PDE4D: variants seen among roughly 807,000 people sequenced by gnomAD.
PDE4D encodes the protein 3',5'-cyclic-AMP phosphodiesterase 4D.
A neutral mutation model predicts 87.4 loss-of-function variants in PDE4D; 24 were observed. That is an observed-to-expected ratio of 0.27 (90% confidence interval 0.20 to 0.39). PDE4D has a LOEUF of 0.39. Among genes scored for constraint, PDE4D ranks in the 10% least tolerant of loss-of-function variants. The pLI is 1.00. For missense variants in PDE4D, 714 were observed against 1,041.0 expected, an observed-to-expected ratio of 0.69 and a Z score of 4.32; for synonymous variants, 384 against 383.2, an observed-to-expected ratio of 1.00 and a Z score of -0.02.
chr5:59,834,834 G>C (rs1447776037), intron 1 of PDE4D, among the ~76,000 whole-genome samples: 2 of 152,000 alleles, frequency 1.3e-5, no homozygotes, highest in African/African-American at 2.4e-5. Context: ...ATACTTGAAG[G>C]GTTCTCCTTT....
rs1056624441 is a variant in PDE4D at position 58,975,819 on chromosome 5, G to A, written c.1851C>T (p.His617=). Residue 617 remains histidine (H), a synonymous_variant, in exon 14 of 15, where the codon CAC becomes CAT. Transcript: ENST00000340635. This position sits in a 1 kb window ranked among gnomAD's most constrained non-coding sequence, Gnocchi z 4.2. ...TTGTTGGGTTGCTCAGATCTGCACAGTGCACCATATTCTGAAGAACCTAAA... is the reference window on the plus strand; with the variant it reads ...TTGTTGGGTTGCTCAGATCTGCACAATGCACCATATTCTGAAGAACCTAAA... ...DRIQVLQNMV[H]CADLSNPTKP... The A allele has an allele frequency of 1.9e-6, 3 of 1,558,562 alleles. No individual in the cohort carries two copies. Among genetic ancestry groups the A allele is most frequent in the Non-Finnish European group, 2.6e-6 (3 of 1,151,884 alleles).
intron 2 of PDE4D, among the ~76,000 whole-genome samples, chr5:60,040,404 G>C (rs1024126627): frequency 1.3e-5 from 2 of 152,256 alleles, no homozygotes; most frequent in Middle Eastern, 3.4e-3. Context: ...ATGCTGATGA[G>C]CCTCCAGGTT....
At chr5:59,609,563 C>T (rs1828708026) in intron 1 of PDE4D, among the ~76,000 whole-genome samples, 1 of 152,102 alleles carries the variant, frequency 6.6e-6, no homozygotes, top group Admixed American at 6.6e-5. Flanking sequence ...GGAACTTTCC[C>T]GACTGTGGTG....
At chr5:60,454,201 C>A (rs532259267) in intron 1 of PDE4D, among the ~76,000 whole-genome samples, 10 of 152,096 alleles carry the variant, frequency 6.6e-5, no homozygotes, top group Non-Finnish European at 1.3e-4. Context: ...TCATTTGTTA[C>A]TTTAAAAGAT....
intron 1 of PDE4D, among the ~76,000 whole-genome samples, chr5:59,690,321 C>G (rs1017097550): frequency 6.6e-6 from 1 of 152,172 alleles, no homozygotes; most frequent in African/African-American, 2.4e-5. Context: ...TCAAACTATA[C>G]TACAAGGCTA....
chr5:60,011,983 T>C (rs1197366739), intron 2 of PDE4D, among the ~76,000 whole-genome samples: 3 of 152,230 alleles, frequency 2.0e-5, no homozygotes, highest in East Asian at 3.9e-4. Flanking sequence ...CTACTGACCA[T>C]GACAGCCACT....
At chr5:59,408,873 A>C (rs1792173921) in intron 1 of PDE4D, among the ~76,000 whole-genome samples, 1 of 152,114 alleles carries the variant, frequency 6.6e-6, no homozygotes, top group Non-Finnish European at 1.5e-5. Context: ...TTGGCCAGGC[A>C]TGATGGCTCA....
At chr5:59,209,537 T>G (rs71626143) in intron 2 of PDE4D, among the ~76,000 whole-genome samples, 5,585 of 152,300 alleles carry the variant, frequency 0.037, 199 homozygotes, top group Admixed American at 0.11. Context: ...CCAAATATTT[T>G]CAGACTTTCT....
chr5:59,512,637 C>A (rs1810473547), intron 1 of PDE4D, among the ~76,000 whole-genome samples: 1 of 152,016 alleles, frequency 6.6e-6, no homozygotes, highest in African/African-American at 2.4e-5. Flanking sequence ...TAGGGTTCAT[C>A]TTTATTGAAG....
intron 5 of PDE4D, among the ~76,000 whole-genome samples, chr5:59,123,004 T>C (rs892447119): frequency 2.0e-5 from 3 of 152,158 alleles, no homozygotes; most frequent in Admixed American, 1.3e-4. Context: ...GTTTTTAAAA[T>C]GGCATTCTGC....
intron 2 of PDE4D, among the ~76,000 whole-genome samples, chr5:60,092,179 G>A (rs1203566316): frequency 2.0e-5 from 3 of 150,582 alleles, no homozygotes; most frequent in Admixed American, 6.6e-5. Flanking sequence ...AGTATATTAC[G>A]TTAAGCGATG....
chr5:59,202,995 G>A (rs1233299201), intron 2 of PDE4D, among the ~76,000 whole-genome samples: 3 of 151,996 alleles, frequency 2.0e-5, no homozygotes, highest in African/African-American at 7.3e-5. Flanking sequence ...ACAACTCAAT[G>A]GCAAAAAAAC....
intron 5 of PDE4D, among the ~76,000 whole-genome samples, chr5:59,176,230 A>G (rs199738423): frequency 2.3e-5 from 1 of 42,960 alleles, no homozygotes; most frequent in East Asian, 7.0e-4. Context: ...CTACCTTTAA[A>G]ACCTAGCTTT....
chr5:59,624,157 T>C (rs1455121298), intron 1 of PDE4D, among the ~76,000 whole-genome samples: 1 of 152,180 alleles, frequency 6.6e-6, no homozygotes, highest in Non-Finnish European at 1.5e-5. Context: ...AAAAATAAGA[T>C]TTTCACTTTC....
chr5:60,157,640 C>CA (rs1372692436), intron 2 of PDE4D, among the ~76,000 whole-genome samples: 2 of 152,056 alleles, frequency 1.3e-5, no homozygotes, highest in South Asian at 2.1e-4. Flanking sequence ...AATTGTGATC[C>CA]AAAAAAGATA....
At chr5:59,539,999 C>T (rs1258848598) in intron 1 of PDE4D, among the ~76,000 whole-genome samples, 1 of 152,112 alleles carries the variant, frequency 6.6e-6, no homozygotes, top group Non-Finnish European at 1.5e-5. Context: ...ATCAGAGTGT[C>T]CTGGAGGTCT....
At chr5:59,244,161 G>A (rs149764915) in intron 1 of PDE4D, among the ~76,000 whole-genome samples, 88 of 152,054 alleles carry the variant, frequency 5.8e-4, no homozygotes, top group African/African-American at 2.0e-3. Context: ...TGGGCATGTT[G>A]GCTCATGCTT....
chr5:59,149,445 G>A (rs1027459205), intron 5 of PDE4D, among the ~76,000 whole-genome samples: 12 of 152,094 alleles, frequency 7.9e-5, no homozygotes, highest in Admixed American at 7.9e-4. Context: ...AAACCGCAGA[G>A]AAGCTGGCTG....
chr5:60,415,112 A>T (rs1393536111), intron 1 of PDE4D, among the ~76,000 whole-genome samples: 2 of 152,266 alleles, frequency 1.3e-5, no homozygotes, highest in Non-Finnish European at 2.9e-5. Context: ...GGGAGCAATC[A>T]ATGGTACTCA....
Sources: allele counts gnomAD v4.1 joint callset (sites outside exome capture counted in the v4.1 genomes callset), GRCh38; gene constraint gnomAD v4.1.1; non-coding constraint Gnocchi (gnomAD v3.1); transcripts MANE v1.5; gene names NCBI Gene and HGNC (gene_info 2026-07-23, HGNC 2026-07-21).